The following CRYBG3 variants were observed in gnomAD, a reference collection of about 807,000 sequenced individuals.
CRYBG3 encodes crystallin beta-gamma domain containing 3.
CRYBG3 carries 127 observed loss-of-function variants against 244.2 expected under a neutral mutation model. That is an observed-to-expected ratio of 0.52 (90% CI 0.45 to 0.60). The LOEUF is 0.60. CRYBG3 is among the 20% of genes least tolerant of loss of function. The pLI is 0.00. For missense variants in CRYBG3, 3,325 were observed against 3,442.5 expected, an observed-to-expected ratio of 0.97 and a Z score of 0.85; for synonymous variants, 1,132 against 1,195.8, an observed-to-expected ratio of 0.95 and a Z score of 1.10.
chr3:97,908,205 G>GA (rs1298316368), intron 15 of CRYBG3, among the ~76,000 whole-genome samples: 1 of 152,130 alleles, frequency 6.6e-6, no homozygotes, highest in African/African-American at 2.4e-5. Context: ...TTGTGGTGCT[G>GA]AAAAAAATGT....
At chr3:97,924,308 A>G (rs997900541) in intron 17 of CRYBG3, 24 of 387,430 alleles carry the variant, frequency 6.2e-5, no homozygotes, top group Non-Finnish European at 1.0e-4. Flanking sequence ...TAAATGTGAA[A>G]AGCAAACTTT....
intron 1 of CRYBG3, among the ~76,000 whole-genome samples, chr3:97,832,429 T>A (rs2038667130): frequency 6.6e-6 from 1 of 152,036 alleles, no homozygotes; most frequent in South Asian, 2.1e-4. Flanking sequence ...TCTACAACCA[T>A]CTGATCATTC....
rs2039880743 is a variant in CRYBG3 at position 97,912,230 on chromosome 3, G to A, written c.8068G>A (p.Asp2690Asn). 1 of 1,608,584 alleles carries A rather than the reference G, an allele frequency of 6.2e-7. No homozygotes were observed. The highest frequency in any genetic ancestry group is 8.5e-7 in the Non-Finnish European group (1 of 1,177,452). ...ECIDFTEETS[D>N]LTSLMPCSFK... is the part of the protein sequence containing the mutation. The stretch of plus-strand genomic sequence containing the variant: ...TATAGATTTTACAGAAGAAACTTCT[G>A]ATTTGACTTCACTCATGCCATGTTC... Residue 2690 changes from aspartate (D) to asparagine (N), a missense_variant, in exon 16 of 22, where the codon GAT becomes AAT. By Grantham distance (23) the Asp-to-Asn change is conservative (BLOSUM62 1). Coordinates refer to ENST00000389622, the MANE Select transcript of CRYBG3 (RefSeq NM_153605.4).
intron 17 of CRYBG3, among the ~76,000 whole-genome samples, chr3:97,925,503 G>A (rs1410796288): frequency 3.9e-5 from 6 of 152,016 alleles, no homozygotes; most frequent in Admixed American, 3.9e-4. Flanking sequence ...ATGAAATATA[G>A]TAGTTACAAT....
In CRYBG3 at chr3:97,871,865, A is replaced by T. The variant is rs146186739; in HGVS notation, c.671A>T (p.Lys224Met). The T allele has an allele frequency of 3.2e-3, 4,862 of 1,507,302 alleles. 13 individuals carry two copies. The highest frequency in any genetic ancestry group is 3.8e-3 in the Non-Finnish European group (4,345 of 1,138,020). The allele number at this position is 1,507,302 out of a possible 1,614,324, so 93.4% of individuals were successfully genotyped here. A position where few individuals can be genotyped will look rare whatever the true frequency, so the allele number is the denominator to read the frequency against. Residue 224 changes from lysine (K) to methionine (M), a missense_variant, in exon 4 of 22, where the codon AAG becomes ATG. Lys to Met is a moderately conservative substitution (Grantham distance 95). Around this residue, in one of 4 missense-constraint regions of CRYBG3, gnomAD observed 1,526 missense variants for 1,443.2 expected, o/e 1.06. Coordinates refer to ENST00000389622, the MANE Select transcript of CRYBG3 (RefSeq NM_153605.4). The stretch of plus-strand genomic sequence containing the variant: ...AGACAAATCGATGGTAAACCAGAGA[A>T]GCCTTCAGTAACATATGCAACATAT... The part of the protein sequence containing the change: ...LLKQIDGKPE[K>M]PSVTYATYRG...
intron 17 of CRYBG3, among the ~76,000 whole-genome samples, chr3:97,920,449 G>C (rs1320214683): frequency 1.3e-5 from 2 of 152,082 alleles, no homozygotes; most frequent in African/African-American, 4.8e-5. Flanking sequence ...TCTTCAGCAT[G>C]TTTTGCCAGC....
chr3:97,840,243 T>TGAA (rs1164165145), intron 1 of CRYBG3, among the ~76,000 whole-genome samples: 1 of 152,084 alleles, frequency 6.6e-6, no homozygotes, highest in Non-Finnish European at 1.5e-5. Context: ...AGTTAGGGCA[T>TGAA]GAATAATGTT....
At chr3:97,930,755 A>G (rs2040088736) in intron 17 of CRYBG3, among the ~76,000 whole-genome samples, 1 of 152,072 alleles carries the variant, frequency 6.6e-6, no homozygotes, top group African/African-American at 2.4e-5. Flanking sequence ...TGGAGAGTCC[A>G]GATACATAAC....
At position 97,843,254 on chromosome 3, in the gene CRYBG3, C is replaced by G. The variant is rs1004267807; in HGVS notation, c.209C>G (p.Ala70Gly). 1 of 1,465,668 alleles carries G rather than the reference C, an allele frequency of 6.8e-7. No individual in the cohort carries two copies. The highest frequency in any genetic ancestry group is 9.2e-7 in the Non-Finnish European group (1 of 1,087,826). 90.8% of individuals were successfully genotyped at this position (1,465,668 alleles called of 1,614,324 possible). ...AAGGAAAATGTACTTTCATCAGAAG[C>G]AGTAAAGGTATAGTTTTAAATTAAT... ...QKKENVLSSE[A>G]VKIRQSEDKR... Residue 70 changes from alanine to glycine, a missense_variant, in exon 2 of 22, where the codon GCA (alanine) becomes GGA (glycine). Ala to Gly is a moderately conservative substitution (Grantham distance 60). Coordinates refer to ENST00000389622, the MANE Select transcript of CRYBG3 (RefSeq NM_153605.4).
Position 97,875,141 on chromosome 3 carries a change from C to T in CRYBG3, c.3947C>T (p.Ala1316Val). The T allele has an allele frequency of 2.0e-6, 3 of 1,534,950 alleles. No homozygotes were observed. The highest frequency in any genetic ancestry group is 1.4e-5 in the African/African-American group (1 of 73,084). Residue 1316 changes from alanine (A) to valine (V), a missense_variant, in exon 4 of 22, where the codon GCC becomes GTC. By Grantham distance (64) the Ala-to-Val change is moderately conservative. Coordinates refer to ENST00000389622, the MANE Select transcript of CRYBG3 (RefSeq NM_153605.4). ...TTAGTCAATGAGATTATTTATGTAG[C>T]CCAAGAAAAATTGAGAAATGATACT... is the stretch of plus-strand genomic sequence containing the variant. ...RELVNEIIYVAQEKLRNDTFE... is the reference protein window; with the variant it reads ...RELVNEIIYVVQEKLRNDTFE...
Position 97,874,395 on chromosome 3 carries a change from T to C in CRYBG3, c.3201T>C (p.Pro1067=), listed in dbSNP as rs1385496633. The C allele has an allele frequency of 1.3e-6, 2 of 1,533,714 alleles. No individual in the cohort carries two copies. The highest frequency in any genetic ancestry group is 1.7e-6 in the Non-Finnish European group (2 of 1,146,254). The change falls in exon 4 of 22, where the codon CCT becomes CCC. Residue 1067 remains proline, a synonymous_variant. Coordinates refer to ENST00000389622, the MANE Select transcript of CRYBG3 (RefSeq NM_153605.4). ...GTGTGTCATCTTCCTCTAGTTACCCTGAAGAAGTTAGCATGATAGTAAATT... is the reference window on the plus strand; with the variant it reads ...GTGTGTCATCTTCCTCTAGTTACCCCGAAGAAGTTAGCATGATAGTAAATT... ...IDSVSSSSSY[P]EEVSMIVNSH...
chr3:97,915,553 A>G, intron 16 of CRYBG3, 57 bp from the exon 17 acceptor site: 2 of 1,550,122 alleles, frequency 1.3e-6, no homozygotes, highest in Middle Eastern at 1.7e-4. Flanking sequence ...CATGATAATG[A>G]GCCTATACTG....
intron 15 of CRYBG3, among the ~76,000 whole-genome samples, chr3:97,904,742 TTTA>T (rs2039747802): frequency 6.6e-6 from 1 of 151,360 alleles, no homozygotes; most frequent in Non-Finnish European, 1.5e-5. Flanking sequence ...TAATCTTTTT[TTTA>T]TTATTATTAT....
Position 97,877,990 on chromosome 3 carries a change from T to C in CRYBG3, c.6796T>C (p.Tyr2266His), listed in dbSNP as rs771413363. The change falls in exon 4 of 22, where the codon TAT becomes CAT. Residue 2266 changes from tyrosine to histidine, a missense_variant. This residue lies in a region of CRYBG3 where 450 missense variants were observed against 424.1 expected (regional missense o/e 1.06). Transcript: ENST00000389622. Reference sequence around the variant, plus strand: ...AATTTTTCAGGAACCAGTGTCAAAATATTTCCGTGTTCAAGACAGCCCAGG... The same window carrying C: ...AATTTTTCAGGAACCAGTGTCAAAACATTTCCGTGTTCAAGACAGCCCAGG... ...GGIFQEPVSK[Y>H]FRVQDSPGRL... The C allele has an allele frequency of 6.2e-7, 1 of 1,614,092 alleles. No individual in the cohort carries two copies. Among genetic ancestry groups the C allele is most frequent in the Non-Finnish European group, 8.5e-7 (1 of 1,179,982 alleles).
chr3:97,927,508 G>A (rs1424995988), intron 17 of CRYBG3, among the ~76,000 whole-genome samples: 2 of 151,944 alleles, frequency 1.3e-5, no homozygotes, highest in Non-Finnish European at 2.9e-5. Context: ...CGTGGGCCCT[G>A]GCAAAGATTT....
At chr3:97,910,608 C>T (rs1559741324) in intron 15 of CRYBG3, among the ~76,000 whole-genome samples, 2 of 152,316 alleles carry the variant, frequency 1.3e-5, no homozygotes, top group South Asian at 4.1e-4. Flanking sequence ...TGCTTCGGTT[C>T]GCGCACGGTG....
At chr3:97,930,599 CACACAGCAATTGTT>C (rs982499145) in intron 17 of CRYBG3, among the ~76,000 whole-genome samples, 1 of 152,032 alleles carries the variant, frequency 6.6e-6, no homozygotes, top group East Asian at 1.9e-4. Context: ...GGTCTCACTG[CACACAGCAATTGTT>C]ACATTCTTTG....
chr3:97,891,291 A>G (rs2039572772), intron 10 of CRYBG3, among the ~76,000 whole-genome samples: 1 of 152,318 alleles, frequency 6.6e-6, no homozygotes, highest in South Asian at 2.1e-4. Flanking sequence ...AGTTTACCCT[A>G]TGAGATGATC....
intron 4 of CRYBG3, among the ~76,000 whole-genome samples, chr3:97,878,522 G>A (rs1004659052): frequency 2.6e-5 from 4 of 152,156 alleles, no homozygotes; most frequent in African/African-American, 9.7e-5. Flanking sequence ...ATGTATTTTA[G>A]CTGGACTACT....
Sources: gnomAD v4.1 joint callset for allele counts (sites outside exome capture counted in the v4.1 genomes callset) on GRCh38, gnomAD v4.1.1 for gene constraint, gnomAD v4.1.1 regional missense constraint, MANE v1.5 for transcripts, NCBI Gene and HGNC (gene_info 2026-07-23, HGNC 2026-07-21) for gene names.